Variants in SCLT1 observed in about 807,000 individuals in gnomAD.
SCLT1 encodes sodium channel-associated protein 1.
In SCLT1, 78 loss-of-function variants were observed where a neutral mutation model predicts 112.8. The ratio of observed to expected loss-of-function variants is 0.69; its 90% CI spans 0.58 to 0.83. The LOEUF (loss-of-function observed/expected upper bound fraction) is 0.83. Ranked by LOEUF, SCLT1 falls within the 40% of genes least tolerant of loss-of-function variation. The probability of loss-of-function intolerance (pLI) is 0.00; values close to 1 mark genes in which losing one functional copy is unlikely to be tolerated. For synonymous variants in SCLT1, 257 were observed against 254.7 expected (o/e 1.01, Z -0.09); for missense variants, 747 against 770.4 (o/e 0.97, Z 0.36).
chr4:129,038,826 C>G (rs1747418866), intron 5 of SCLT1, among the ~76,000 whole-genome samples: 1 of 152,086 alleles, frequency 6.6e-6, no homozygotes, highest in Non-Finnish European at 1.5e-5. Flanking sequence ...CTATTATTAT[C>G]TCTGATTTAT....
intron 5 of SCLT1, chr4:129,036,707 G>GA (rs1747208684): frequency 6.6e-6 from 1 of 151,814 alleles, no homozygotes; most frequent in African/African-American, 2.4e-5. Flanking sequence ...AAGGAAGAGA[G>GA]AAAATCATGA....
chr4:129,035,411 C>T (rs1475354848), intron 5 of SCLT1, among the ~76,000 whole-genome samples: 1 of 152,048 alleles, frequency 6.6e-6, no homozygotes, highest in Admixed American at 6.6e-5. Flanking sequence ...ACTTCCAAAC[C>T]AATTCCTGGC....
intron 5 of SCLT1, among the ~76,000 whole-genome samples, chr4:129,035,618 A>G (rs1455844219): frequency 6.6e-6 from 1 of 152,168 alleles, no homozygotes; most frequent in Non-Finnish European, 1.5e-5. Flanking sequence ...AATGACAACA[A>G]TAAAATTTAC....
intron 2 of SCLT1, among the ~76,000 whole-genome samples, chr4:129,077,729 C>T (rs1485171897): frequency 6.6e-6 from 1 of 152,096 alleles, no homozygotes; most frequent in African/African-American, 2.4e-5. Context: ...CTCCTGGATC[C>T]CACATACCCA....
chr4:129,001,280 A>G (rs1743457924), intron 6 of SCLT1, among the ~76,000 whole-genome samples: 1 of 146,212 alleles, frequency 6.8e-6, no homozygotes. Context: ...CAGAACTGTT[A>G]GAGATGTAAA....
At chr4:129,050,581 A>AT (rs1553997842) in intron 2 of SCLT1, among the ~76,000 whole-genome samples, 2 of 149,232 alleles carry the variant, frequency 1.3e-5, no homozygotes, top group African/African-American at 2.4e-5. Context: ...TGATGGGGTC[A>AT]TTTTTTTCTT....
intron 13 of SCLT1, among the ~76,000 whole-genome samples, chr4:128,954,988 G>A (rs1739101575): frequency 6.6e-6 from 1 of 152,134 alleles, no homozygotes; most frequent in Non-Finnish European, 1.5e-5. Context: ...ATGTCAATAA[G>A]AGGGTACATA....
chr4:128,968,920 G>A (rs1740437605), intron 10 of SCLT1, among the ~76,000 whole-genome samples: 1 of 152,114 alleles, frequency 6.6e-6, no homozygotes, highest in Non-Finnish European at 1.5e-5. Flanking sequence ...TGGTTCCCTC[G>A]CTTCTACAGA....
intron 18 of SCLT1, among the ~76,000 whole-genome samples, chr4:128,896,873 G>A (rs1355764750): frequency 2.0e-5 from 3 of 151,778 alleles, no homozygotes; most frequent in Admixed American, 6.6e-5. Flanking sequence ...ACTACCTGAC[G>A]AATGCACAAG....
intron 4 of SCLT1, among the ~76,000 whole-genome samples, chr4:129,041,217 G>C (rs1579813841): frequency 1.3e-5 from 2 of 152,228 alleles, no homozygotes; most frequent in East Asian, 3.9e-4. Flanking sequence ...TTAATTGTCA[G>C]CTAGGAAGAT....
At chr4:128,955,842 A>C (rs1425354070) in intron 13 of SCLT1, among the ~76,000 whole-genome samples, 2 of 152,210 alleles carry the variant, frequency 1.3e-5, no homozygotes, top group Non-Finnish European at 2.9e-5. Flanking sequence ...CAACTTGGCA[A>C]CAGTGTGGAA....
At chr4:129,092,941 TCCTGCAAC>T in intron 1 of SCLT1, 121 bp downstream of exon 1, 1 of 712,846 alleles carries the variant, frequency 1.4e-6, no homozygotes, top group Admixed American at 2.4e-5. Context: ...GTTTTTTTTT[TCCTGCAAC>T]TAACTTCTTT....
chr4:129,006,166 T>TA (rs201185207), intron 5 of SCLT1, among the ~76,000 whole-genome samples: 3 of 151,670 alleles, frequency 2.0e-5, no homozygotes, highest in Middle Eastern at 3.2e-3. Context: ...TAAAGTATAA[T>TA]AAAAAAAATT....
intron 20 of SCLT1, among the ~76,000 whole-genome samples, chr4:128,885,121 T>C (rs1732793251): frequency 6.6e-6 from 1 of 152,174 alleles, no homozygotes; most frequent in African/African-American, 2.4e-5. Context: ...GGAAAGTTTC[T>C]AAAACACAAA....
At chr4:128,975,047 T>TTTTG (rs1741035599) in intron 9 of SCLT1, among the ~76,000 whole-genome samples, 1 of 125,096 alleles carries the variant, frequency 8.0e-6, no homozygotes, top group Non-Finnish European at 1.6e-5. Flanking sequence ...CAACTTTTTT[T>TTTTG]TTTTTTTTTG....
intron 5 of SCLT1, among the ~76,000 whole-genome samples, chr4:129,024,559 C>G (rs1040254896): frequency 1.3e-5 from 2 of 152,232 alleles, no homozygotes; most frequent in Admixed American, 1.3e-4. Flanking sequence ...ACATCACCAT[C>G]ATCAAAGACC....
intron 1 of SCLT1, among the ~76,000 whole-genome samples, chr4:129,086,764 G>T (rs1752430575): frequency 6.6e-6 from 1 of 152,118 alleles, no homozygotes; most frequent in Non-Finnish European, 1.5e-5. Context: ...AAACTGGGAA[G>T]CAGTCAAGGT....
intron 15 of SCLT1, 111 bp downstream of exon 15, chr4:128,948,385 A>C: frequency 3.3e-6 from 4 of 1,222,846 alleles, no homozygotes; most frequent in African/African-American, 1.5e-5. Context: ...ACTTACCAGG[A>C]CAATACTAAC....
At chr4:128,983,878 A>G (rs1741877358) in intron 9 of SCLT1, among the ~76,000 whole-genome samples, 1 of 152,204 alleles carries the variant, frequency 6.6e-6, no homozygotes, top group African/African-American at 2.4e-5. Context: ...TGGCATGGCT[A>G]TATAGAGCAT....
Sources: gnomAD v4.1 joint callset for allele counts (sites outside exome capture counted in the v4.1 genomes callset) on GRCh38, gnomAD v4.1.1 for gene constraint, MANE v1.5 for transcripts, NCBI Gene and HGNC (gene_info 2026-07-23, HGNC 2026-07-21) for gene names.